ART3: variants seen among roughly 807,000 people sequenced by gnomAD.
The protein encoded by ART3 is ecto-ADP-ribosyltransferase 3.
ART3 carries 49 observed loss-of-function variants against 48.5 expected under a neutral mutation model. The ratio of observed to expected loss-of-function variants is 1.01; its 90% confidence interval spans 0.80 to 1.28. The LOEUF (loss-of-function observed/expected upper bound fraction) is 1.28. Ranked by LOEUF, ART3 falls within the 50% of genes most tolerant of loss-of-function variation. The probability of loss-of-function intolerance (pLI) is 0.00; values close to 1 mark genes in which losing one functional copy is unlikely to be tolerated. For missense variants in ART3, 438 were observed against 454.3 expected, an observed-to-expected ratio of 0.96 and a Z score of 0.33; for synonymous variants, 145 against 157.2, an observed-to-expected ratio of 0.92 and a Z score of 0.58.
intron 1 of ART3, chr4:76,034,354 A>G (rs1734148267): frequency 7.1e-6 from 3 of 421,836 alleles, no homozygotes; most frequent in South Asian, 2.0e-4. Flanking sequence ...ATAAAGATCA[A>G]TACAGACAGA....
At chr4:76,044,569 C>T (rs1168103615) in intron 1 of ART3, among the ~76,000 whole-genome samples, 1 of 151,784 alleles carries the variant, frequency 6.6e-6, no homozygotes, top group African/African-American at 2.4e-5. Context: ...TTCTTTACTA[C>T]TTCCATCTCT....
At chr4:76,110,019 C>A (rs1456556587) in intron 11 of ART3, among the ~76,000 whole-genome samples, 1 of 152,198 alleles carries the variant, frequency 6.6e-6, no homozygotes, top group African/African-American at 2.4e-5. Context: ...AACAGTTTAT[C>A]CTGTGGATGG....
At chr4:76,028,429 A>G (rs1269168202) in intron 1 of ART3, among the ~76,000 whole-genome samples, 1 of 152,262 alleles carries the variant, frequency 6.6e-6, no homozygotes, top group African/African-American at 2.4e-5. Flanking sequence ...TTTATCTTTA[A>G]GCCTGTGATT....
intron 1 of ART3, among the ~76,000 whole-genome samples, chr4:76,044,874 C>T (rs1382898673): frequency 6.6e-6 from 1 of 152,130 alleles, no homozygotes; most frequent in Non-Finnish European, 1.5e-5. Flanking sequence ...TGGGTTCCTG[C>T]ACCATGTGCA....
intron 1 of ART3, among the ~76,000 whole-genome samples, chr4:76,032,407 A>C (rs1047479724): frequency 3.3e-5 from 5 of 151,944 alleles, no homozygotes; most frequent in African/African-American, 9.7e-5. Context: ...AATTTTCGCT[A>C]TGTTGCCCAA....
In ART3 at chr4:76,082,159, C is replaced by T. The variant is rs762409059; in HGVS notation, c.405C>T (p.Phe135=). The T allele has an allele frequency of 3.1e-6, 5 of 1,614,188 alleles. No homozygotes were observed. The highest frequency in any genetic ancestry group is 2.2e-5 in the East Asian group (1 of 44,890). Residue 135 remains phenylalanine (F), a synonymous_variant, in exon 3 of 12, where the codon TTC becomes TTT. Coordinates refer to ENST00000355810, the MANE Select transcript of ART3 (RefSeq NM_001130016.3). The stretch of plus-strand genomic sequence containing the variant: ...AAGATTATATCTATGGCTTCCAGTT[C>T]AAAGCTTTCCACTTTTACCTCACAA... ...SREDYIYGFQ[F]KAFHFYLTRA... is the part of the protein sequence containing the mutation.
upstream of ART3, among the ~76,000 whole-genome samples, chr4:76,074,487 G>GAGA (rs1720660847): frequency 6.6e-6 from 1 of 152,162 alleles, no homozygotes; most frequent in Admixed American, 6.5e-5. Flanking sequence ...TTCTCTCTGA[G>GAGA]AGAAGCCCAG....
chr4:76,039,843 C>G (rs1265226313), intron 1 of ART3, among the ~76,000 whole-genome samples: 1 of 152,172 alleles, frequency 6.6e-6, no homozygotes, highest in Non-Finnish European at 1.5e-5. Flanking sequence ...AGACTAAACT[C>G]TTCCTTTTGC....
At chr4:76,069,394 T>C (rs1263829313) in intron 1 of ART3, among the ~76,000 whole-genome samples, 4 of 140,134 alleles carry the variant, frequency 2.9e-5, no homozygotes, top group Non-Finnish European at 6.3e-5. Flanking sequence ...TCCTTTTTTT[T>C]TTTTTTTTTT....
At chr4:76,109,395 A>G (rs1729058598) in intron 11 of ART3, among the ~76,000 whole-genome samples, 1 of 152,134 alleles carries the variant, frequency 6.6e-6, no homozygotes, top group South Asian at 2.1e-4. Context: ...AGTAACGTGC[A>G]TGGAACTGTC....
intron 1 of ART3, among the ~76,000 whole-genome samples, chr4:76,040,711 T>C (rs1310423199): frequency 6.6e-6 from 1 of 152,118 alleles, no homozygotes; most frequent in Non-Finnish European, 1.5e-5. Context: ...TAGACACATC[T>C]TTGTCTGCTT....
At chr4:76,036,210 T>C (rs1000137559) in intron 1 of ART3, 2 of 491,904 alleles carry the variant, frequency 4.1e-6, no homozygotes, top group African/African-American at 2.0e-5. Flanking sequence ...TAAATGTTAC[T>C]GTCCCTTCCT....
chr4:76,034,834 G>C, intron 1 of ART3: 1 of 1,552,758 alleles, frequency 6.4e-7, no homozygotes, highest in Non-Finnish European at 8.9e-7. Context: ...AAGAAAACAA[G>C]AGTTTTATTT....
chr4:76,050,039 G>C (rs1435249910), intron 1 of ART3, among the ~76,000 whole-genome samples: 1 of 148,528 alleles, frequency 6.7e-6, no homozygotes, highest in African/African-American at 2.5e-5. Context: ...GTTCCTCCCG[G>C]TGGGCTTATG....
In ART3 at chr4:76,112,668, C is replaced by G; in HGVS notation, c.*149C>G. 1.1e-6 allele frequency: 1 copy of G among 944,698 alleles called. No individual in the cohort carries two copies. Among genetic ancestry groups the G allele is most frequent in the Non-Finnish European group, 1.5e-6 (1 of 677,428 alleles). The allele number at this position is 944,698 out of a possible 1,614,324, so 58.5% of individuals were successfully genotyped here. ...ATATTTGTTATTCATTTTGCAAATT[C>G]AGAAAGTTGGTCCAGATATATGTCA... is the stretch of plus-strand genomic sequence containing the variant. On this transcript the variant is annotated 3_prime_UTR_variant, in exon 12 of 12. Coordinates refer to ENST00000355810, the MANE Select transcript of ART3 (RefSeq NM_001130016.3).
chr4:76,039,068 A>G (rs1734709034), intron 1 of ART3, among the ~76,000 whole-genome samples: 1 of 148,154 alleles, frequency 6.7e-6, no homozygotes, highest in Non-Finnish European at 1.5e-5. Flanking sequence ...TTTTGAGGCT[A>G]TTTTCTCATC....
intron 5 of ART3, 106 bp from the exon 6 acceptor site, chr4:76,100,185 G>T: frequency 8.6e-7 from 1 of 1,162,920 alleles, no homozygotes; most frequent in Non-Finnish European, 1.3e-6. Flanking sequence ...GTATCAAATG[G>T]TTCTTTATAG....
intron 1 of ART3, among the ~76,000 whole-genome samples, chr4:76,059,515 A>G (rs1718998159): frequency 7.0e-6 from 1 of 142,628 alleles, no homozygotes; most frequent in African/African-American, 2.6e-5. Flanking sequence ...TGCATTTAAA[A>G]GGCTGTGAAT....
intron 10 of ART3, chr4:76,105,969 A>T (rs1238186159): frequency 1.0e-6 from 1 of 985,332 alleles, no homozygotes; most frequent in East Asian, 1.1e-4. Flanking sequence ...ATCGTCCAGT[A>T]GGCCACTAGA....
Sources: gnomAD v4.1 joint callset for allele counts (sites outside exome capture counted in the v4.1 genomes callset) on GRCh38, gnomAD v4.1.1 for gene constraint, MANE v1.5 for transcripts, NCBI Gene and HGNC (gene_info 2026-07-23, HGNC 2026-07-21) for gene names.